Variants in SLC12A6 observed in about 807,000 individuals in gnomAD.
The protein encoded by SLC12A6 is K-Cl cotransporter 3.
SLC12A6 carries 66 observed loss-of-function variants against 135.3 expected under a neutral mutation model. The ratio of observed to expected loss-of-function variants is 0.49; its 90% CI spans 0.40 to 0.60. The LOEUF is 0.60. Ranked by LOEUF, SLC12A6 falls within the 20% of genes least tolerant of loss-of-function variation. SLC12A6 has a pLI of 0.00. For missense variants in SLC12A6, 1,058 were observed against 1,452.3 expected, an observed-to-expected ratio of 0.73 and a Z score of 4.41; for synonymous variants, 513 against 508.8, an observed-to-expected ratio of 1.01 and a Z score of -0.11.
intron 3 of SLC12A6, among the ~76,000 whole-genome samples, chr15:34,273,306 G>A (rs377484190): frequency 4.7e-4 from 71 of 152,250 alleles, no homozygotes; most frequent in African/African-American, 1.7e-3. Context: ...AGCCAAGATC[G>A]TGCCACCGCA....
chr15:34,291,484 A>C (rs1244346546), intron 2 of SLC12A6, among the ~76,000 whole-genome samples: 1 of 152,168 alleles, frequency 6.6e-6, no homozygotes, highest in African/African-American at 2.4e-5. Context: ...TTTGAGGAGC[A>C]TCTTTGCGGT....
At chr15:34,263,099 T>A (rs1032058721) in intron 3 of SLC12A6, among the ~76,000 whole-genome samples, 16 of 152,164 alleles carry the variant, frequency 1.1e-4, no homozygotes, top group Admixed American at 9.2e-4. Context: ...AACCTGTACA[T>A]GTACCCTCTA....
intron 9 of SLC12A6, among the ~76,000 whole-genome samples, chr15:34,253,907 T>C (rs971755610): frequency 1.3e-5 from 2 of 152,182 alleles, no homozygotes; most frequent in African/African-American, 4.8e-5. Context: ...AGTACATTAT[T>C]TGGGTAATGG....
intron 2 of SLC12A6, among the ~76,000 whole-genome samples, chr15:34,278,166 C>T (rs1894422312): frequency 6.6e-6 from 1 of 152,214 alleles, no homozygotes; most frequent in Admixed American, 6.5e-5. Context: ...GCGGCTCACG[C>T]CTGTAATTGC....
Position 34,289,379 on chromosome 15 carries a change from G to A in SLC12A6, c.272-13990C>T, listed in dbSNP as rs1395068249. Among the ~76,000 whole-genome samples the A allele has an allele frequency of 1.6e-4, 24 of 152,190 alleles. 1 individual carries two copies. Among genetic ancestry groups the A allele is most frequent in the Middle Eastern group, 6.8e-3 (2 of 294 alleles). The stretch of plus-strand genomic sequence containing the variant: ...AGCTTTTTGATGTGCTGCTGGATTC[G>A]GTTTGCCAGTATTTTATTGAGGATT... On this transcript the variant is annotated intron_variant, in intron 2 of 25. Coordinates refer to ENST00000354181, the MANE Select transcript of SLC12A6 (RefSeq NM_001365088.1).
At chr15:34,290,190 T>C (rs383934) in intron 2 of SLC12A6, among the ~76,000 whole-genome samples, 52,457 of 151,890 alleles carry the variant, frequency 0.35, 11,121 homozygotes, top group African/African-American at 0.61. Context: ...TTTGTTCTCA[T>C]CGGTTTCAAA....
chr15:34,336,622 G>T lies in SLC12A6; in HGVS notation c.59C>A (p.Thr20Lys). Residue 20 changes from threonine to lysine, a missense_variant, in exon 2 of 26, where the codon ACA becomes AAA. Thr to Lys is a moderately conservative substitution (Grantham distance 78). This residue lies in a region of SLC12A6 where 176 missense variants were observed against 168.9 expected (regional missense o/e 1.04). Coordinates refer to ENST00000354181, the MANE Select transcript of SLC12A6 (RefSeq NM_001365088.1). Reference protein sequence around the residue: ...MASVRFMVTPTKIDDIPGLSD... With the variant: ...MASVRFMVTPKKIDDIPGLSD... ...CAAACCTGGAATGTCATCGATCTTT[G>T]TCGGTGTCACCATGAACCGAACTGA... 1.2e-6 allele frequency: 2 copies of T among 1,613,404 alleles called. No individual in the cohort carries two copies. The highest frequency in any genetic ancestry group is 1.7e-6 in the Non-Finnish European group (2 of 1,179,384).
intron 3 of SLC12A6, among the ~76,000 whole-genome samples, chr15:34,265,151 C>T (rs771922106): frequency 2.6e-5 from 4 of 152,068 alleles, no homozygotes; most frequent in African/African-American, 4.8e-5. Context: ...GAGCCGAGAT[C>T]GTGCCACTGC....
intron 2 of SLC12A6, among the ~76,000 whole-genome samples, chr15:34,295,837 A>G (rs575296202): frequency 4.6e-5 from 7 of 152,282 alleles, no homozygotes; most frequent in Admixed American, 4.6e-4. Flanking sequence ...TATCTCTACT[A>G]AAAATACAAA....
chr15:34,303,431 T>C (rs1313400680), intron 2 of SLC12A6, among the ~76,000 whole-genome samples: 2 of 152,236 alleles, frequency 1.3e-5, no homozygotes, highest in Admixed American at 1.3e-4. Flanking sequence ...AATGGAATCA[T>C]ATATAAACTT....
At chr15:34,273,796 T>C (rs2140880483) in intron 3 of SLC12A6, among the ~76,000 whole-genome samples, 1 of 152,116 alleles carries the variant, frequency 6.6e-6, no homozygotes, top group Admixed American at 6.5e-5. Context: ...TTAACCTCAC[T>C]TACACTGAAG....
At chr15:34,316,749 T>C (rs756301323) in intron 2 of SLC12A6, among the ~76,000 whole-genome samples, 2 of 152,212 alleles carry the variant, frequency 1.3e-5, no homozygotes, top group African/African-American at 2.4e-5. Context: ...TGAATGATTT[T>C]AACACTCTCT....
At chr15:34,238,165 TTGTC>T (rs1891400755) in intron 21 of SLC12A6, 63 bp downstream of exon 21, 2 of 1,117,572 alleles carry the variant, frequency 1.8e-6, no homozygotes, top group Admixed American at 1.7e-5. Flanking sequence ...GAGGAAGAAT[TTGTC>T]TGTCCTGTGA....
At chr15:34,257,598 C>T (rs751334745) in intron 6 of SLC12A6, 44 bp downstream of exon 6, 23 of 1,557,456 alleles carry the variant, frequency 1.5e-5, no homozygotes, top group South Asian at 1.2e-4. Context: ...CTCTTGAGAA[C>T]TTGCAACGTT....
chr15:34,286,436 T>A (rs28442188), intron 2 of SLC12A6, among the ~76,000 whole-genome samples: 5,961 of 152,162 alleles, frequency 0.039, 216 homozygotes, highest in African/African-American at 0.098. Context: ...GTCTTTTGGC[T>A]AATACATTGT....
chr15:34,279,488 CAA>C (rs1158399038), intron 2 of SLC12A6, among the ~76,000 whole-genome samples: 2 of 152,048 alleles, frequency 1.3e-5, no homozygotes, highest in Non-Finnish European at 2.9e-5. Context: ...GTTTGCAATC[CAA>C]ATTGTGCAGT....
chr15:34,311,185 T>C (rs1290778050), intron 2 of SLC12A6, among the ~76,000 whole-genome samples: 1 of 152,154 alleles, frequency 6.6e-6, no homozygotes, highest in Admixed American at 6.5e-5. Context: ...ATCTTCTAAA[T>C]GGCAATCTGT....
chr15:34,288,839 C>T (rs970448406), intron 2 of SLC12A6, among the ~76,000 whole-genome samples: 2 of 152,132 alleles, frequency 1.3e-5, no homozygotes, highest in Non-Finnish European at 1.5e-5. Context: ...GATTTTGTAT[C>T]CTGAGACTTT....
At chr15:34,236,621 C>T (rs1050951756) in intron 23 of SLC12A6, 87 bp downstream of exon 23, 17 of 873,126 alleles carry the variant, frequency 1.9e-5, no homozygotes, top group Admixed American at 6.9e-5. Flanking sequence ...GGATTACAGG[C>T]GTGAGCCACC....
Sources: gnomAD v4.1 joint callset for allele counts (sites outside exome capture counted in the v4.1 genomes callset) on GRCh38, gnomAD v4.1.1 for gene constraint, gnomAD v4.1.1 regional missense constraint, MANE v1.5 for transcripts, NCBI Gene and HGNC (gene_info 2026-07-23, HGNC 2026-07-21) for gene names.